Variants in RBM4 observed in about 807,000 individuals in gnomAD.
RBM4 encodes the protein RNA binding motif protein 4.
A neutral mutation model predicts 29.5 loss-of-function variants in RBM4; 7 were observed. The observed-to-expected ratio is 0.24, with a 90% CI of 0.14 to 0.45. RBM4 has a LOEUF of 0.45. Ranked by LOEUF, RBM4 falls within the 20% of genes least tolerant of loss-of-function variation. The pLI, the probability that RBM4 is intolerant of heterozygous loss-of-function variation, is 1.00. For missense variants in RBM4, 387 were observed against 502.3 expected (o/e 0.77, Z 2.19); for synonymous variants, 220 against 205.4 (o/e 1.07, Z -0.61).
rs752616131 is a variant in RBM4 at position 66,643,983 on chromosome 11, G to A, written c.946G>A (p.Ala316Thr). The change falls in exon 3 of 4, where the codon GCC becomes ACC. Residue 316 changes from alanine (A) to threonine (T), a missense_variant. Transcript: ENST00000310092. This position sits in a 1 kb window ranked among gnomAD's most constrained non-coding sequence, Gnocchi z 6.1. ...RDRSPLRRAT[A>T]PVPTVGEGYG... ...TCGGAGCCCCCTGCGTCGCGCTACA[G>A]CCCCAGTCCCCACTGTTGGAGAGGG... 6.8e-6 allele frequency: 11 copies of A among 1,613,186 alleles called. No homozygotes were observed. The highest frequency in any genetic ancestry group is 5.0e-5 in the Admixed American group (3 of 60,002).
chr11:66,643,645 T>C lies in RBM4; in HGVS notation c.608T>C (p.Met203Thr). 1 of 1,614,150 alleles carries C rather than the reference T, an allele frequency of 6.2e-7. No individual in the cohort carries two copies. The highest frequency in any genetic ancestry group is 8.5e-7 in the Non-Finnish European group (1 of 1,180,020). Residue 203 changes from methionine to threonine, a missense_variant, in exon 3 of 4, where the codon ATG (methionine) becomes ACG (threonine). Physicochemically the swap from Met to Thr is moderately conservative, Grantham distance 81 (BLOSUM62 -1). Around this residue, in one of 2 missense-constraint regions of RBM4, gnomAD observed 281 missense variants for 288.7 expected, o/e 0.97. Transcript: ENST00000310092. This position sits in a 1 kb window ranked among gnomAD's most constrained non-coding sequence, Gnocchi z 6.1. ...GGAGCAGTGCGTACGCCTTACACCA[T>C]GAGCTATGGGGATTCATTGTATTAC... Reference protein sequence around the residue: ...QYGAVRTPYTMSYGDSLYYNN... With the variant: ...QYGAVRTPYTTSYGDSLYYNN...
downstream of RBM4, among the ~76,000 whole-genome samples, chr11:66,648,554 C>T (rs141601371): frequency 2.6e-5 from 4 of 152,064 alleles, no homozygotes; most frequent in East Asian, 1.9e-4. Flanking sequence ...GTGGCTCACA[C>T]CTGTAATCCC....
exon 3 of RBM4, chr11:66,666,189 T>G: frequency 1.2e-6 from 1 of 853,680 alleles, no homozygotes; most frequent in South Asian, 2.4e-5. Context: ...TCAAAAGAAA[T>G]CATTCCTAGA....
At chr11:66,642,287 A>T (rs1938500689) in intron 2 of RBM4, among the ~76,000 whole-genome samples, 1 of 152,090 alleles carries the variant, frequency 6.6e-6, no homozygotes, top group Admixed American at 6.5e-5. Flanking sequence ...GCTTTTGACC[A>T]TTTACTCCTT....
chr11:66,656,372 C>T (rs1565086834), intron 2 of RBM4, among the ~76,000 whole-genome samples: 1 of 151,974 alleles, frequency 6.6e-6, no homozygotes, highest in African/African-American at 2.4e-5. Flanking sequence ...GATCTCATGA[C>T]CTTGTGATCC....
chr11:66,652,305 G>A (rs1938848906), intron 2 of RBM4: 1 of 152,138 alleles, frequency 6.6e-6, no homozygotes, highest in Non-Finnish European at 1.5e-5. Flanking sequence ...GTGTTAACCA[G>A]GATGGTCTCG....
In RBM4 at chr11:66,663,702, ATGTGTG is replaced by A. The variant is rs66797662; in HGVS notation, c.413-2132_413-2127del. ...TAACTAGGCAAAAATGTGTGTGTAT[ATGTGTG>A]TGTGTGTGTGTGTGTGTGTGTATAT... is the stretch of plus-strand genomic sequence containing the variant. On this transcript the variant is annotated intron_variant, in intron 2 of 2. Coordinates refer to the RBM4 transcript ENST00000396053. Among the ~76,000 whole-genome samples the A allele has an allele frequency of 6.7e-4, 100 of 148,510 alleles. 1 individual carries two copies. The highest frequency in any genetic ancestry group is 1.9e-3 in the African/African-American group (77 of 40,378).
chr11:66,649,555 T>C (rs1183610641), downstream of RBM4, among the ~76,000 whole-genome samples: 1 of 152,188 alleles, frequency 6.6e-6, no homozygotes, highest in Non-Finnish European at 1.5e-5. Context: ...AAGAGGTGAT[T>C]TGAAAAGATT....
At chr11:66,641,996 T>C (rs573677094) in intron 2 of RBM4, among the ~76,000 whole-genome samples, 1 of 152,250 alleles carries the variant, frequency 6.6e-6, no homozygotes, top group Non-Finnish European at 1.5e-5. Context: ...TTGCACTTGT[T>C]TTCTCTGGTT....
intron 2 of RBM4, among the ~76,000 whole-genome samples, chr11:66,658,967 C>T (rs781479509): frequency 9.3e-4 from 139 of 149,752 alleles, no homozygotes; most frequent in Non-Finnish European, 1.4e-3. Context: ...TATATATATT[C>T]AGTTTTTAAT....
At chr11:66,644,840 T>A (rs917925418) in intron 3 of RBM4, 2 of 327,264 alleles carry the variant, frequency 6.1e-6, no homozygotes, top group African/African-American at 4.5e-5. Context: ...TCTGCCCAGC[T>A]CAGATTTATT....
downstream of RBM4, among the ~76,000 whole-genome samples, chr11:66,651,050 G>T (rs1433759455): frequency 2.0e-5 from 3 of 151,974 alleles, no homozygotes; most frequent in Non-Finnish European, 4.4e-5. Context: ...CAAAATTGGG[G>T]TTGTTTTGGG....
Position 66,639,933 on chromosome 11 carries a change from C to T in RBM4, c.222C>T (p.Ser74=). 1.2e-6 allele frequency: 2 copies of T among 1,614,180 alleles called. No homozygotes were observed. Among genetic ancestry groups the T allele is most frequent in the Non-Finnish European group, 1.7e-6 (2 of 1,180,034 alleles). The part of the protein sequence containing the change: ...NINVEASKNK[S]KTSTKLHVGN... ...ACGTGGAAGCCAGCAAGAATAAGAG[C>T]AAAACCTCAACAAAGTTGCATGTGG... The change falls in exon 2 of 4, where the codon AGC becomes AGT. Residue 74 remains serine, a synonymous_variant. Transcript: ENST00000310092.
In RBM4 at chr11:66,639,735, C is replaced by T. The variant is rs370444418; in HGVS notation, c.24C>T (p.Asn8=). The change falls in exon 2 of 4, where the codon AAC becomes AAT. Residue 8 remains asparagine (N), a synonymous_variant. Coordinates refer to ENST00000310092, the MANE Select transcript of RBM4 (RefSeq NM_002896.4). ...GGATGGTGAAGCTGTTCATCGGAAACCTGCCCCGGGAGGCTACAGAGCAGG... is the reference window on the plus strand; with the variant it reads ...GGATGGTGAAGCTGTTCATCGGAAATCTGCCCCGGGAGGCTACAGAGCAGG... MVKLFIG[N]LPREATEQEI... 1.1e-4 allele frequency: 180 copies of T among 1,613,964 alleles called. No homozygotes were observed. The highest frequency in any genetic ancestry group is 1.4e-4 in the Non-Finnish European group (164 of 1,179,944).
exon 3 of RBM4, chr11:66,666,270 A>C: frequency 8.9e-7 from 1 of 1,127,672 alleles, no homozygotes; most frequent in Non-Finnish European, 1.1e-6. Context: ...AAGTTAACTC[A>C]CACCAAGTTC....
exon 3 of RBM4, chr11:66,666,398 AC>A: frequency 1.0e-6 from 1 of 993,508 alleles, no homozygotes; most frequent in East Asian, 1.1e-4. Flanking sequence ...TGGATCCCCA[AC>A]AGTTCTGGAG....
chr11:66,646,475 G>A, downstream of RBM4: 1 of 997,518 alleles, frequency 1.0e-6, no homozygotes, highest in Non-Finnish European at 1.2e-6. Flanking sequence ...CTTAGGGTAT[G>A]TGTGCTTTGC....
intron 3 of RBM4, chr11:66,644,639 A>G (rs2135067982): frequency 2.1e-6 from 2 of 970,204 alleles, no homozygotes; most frequent in East Asian, 1.1e-4. Context: ...CTCAGGTCCC[A>G]GTTACTAAGA....
At chr11:66,648,727 C>T (rs1458589433), downstream of RBM4, among the ~76,000 whole-genome samples, 2 of 151,698 alleles carry the variant, frequency 1.3e-5, no homozygotes, top group Admixed American at 1.3e-4. Flanking sequence ...GCAGGAGAAT[C>T]CTTGGAACCC....
Sources: gnomAD v4.1 joint callset for allele counts (sites outside exome capture counted in the v4.1 genomes callset) on GRCh38, gnomAD v4.1.1 for gene constraint, gnomAD v4.1.1 regional missense constraint, Gnocchi (gnomAD v3.1) non-coding constraint, MANE v1.5 for transcripts, NCBI Gene and HGNC (gene_info 2026-07-23, HGNC 2026-07-21) for gene names.